Variants in CADM2 observed in about 807,000 individuals in gnomAD.
CADM2 encodes the protein cell adhesion molecule 2, also known as immunoglobulin superfamily member 4D.
A neutral mutation model predicts 49.8 loss-of-function variants in CADM2; 12 were observed. The observed-to-expected ratio is 0.24, with a 90% CI of 0.15 to 0.39. The LOEUF (loss-of-function observed/expected upper bound fraction) is 0.39. Among genes scored for constraint, CADM2 ranks in the 10% least tolerant of loss-of-function variants. The pLI is 1.00. For synonymous variants in CADM2, 214 were observed against 175.4 expected, an observed-to-expected ratio of 1.22 and a Z score of -1.74; for missense variants, 378 against 492.3, an observed-to-expected ratio of 0.77 and a Z score of 2.20.
chr3:85,442,706 C>T (rs1475642142), intron 1 of CADM2, among the ~76,000 whole-genome samples: 1 of 147,890 alleles, frequency 6.8e-6, no homozygotes, highest in African/African-American at 2.5e-5. Flanking sequence ...TTTTGCAGCC[C>T]TTTAAGTGTT....
intron 1 of CADM2, among the ~76,000 whole-genome samples, chr3:85,205,799 A>G (rs1485385797): frequency 6.6e-6 from 1 of 152,168 alleles, no homozygotes; most frequent in Non-Finnish European, 1.5e-5. Flanking sequence ...TGGAGGTCAA[A>G]TTAACATCAC....
chr3:85,569,297 G>C (rs1375552), intron 1 of CADM2, among the ~76,000 whole-genome samples: 1 of 151,482 alleles, frequency 6.6e-6, no homozygotes, highest in Non-Finnish European at 1.5e-5. Context: ...TCTTTTTCTT[G>C]CTGACTGCTA....
intron 1 of CADM2, among the ~76,000 whole-genome samples, chr3:85,028,190 G>A (rs945220699): frequency 6.6e-6 from 1 of 152,082 alleles, no homozygotes; most frequent in Non-Finnish European, 1.5e-5. Flanking sequence ...TATCAGAGAA[G>A]GTAAACAAAA....
chr3:85,229,002 C>G (rs1268698697), intron 1 of CADM2, among the ~76,000 whole-genome samples: 3 of 152,158 alleles, frequency 2.0e-5, no homozygotes, highest in Non-Finnish European at 4.4e-5. Flanking sequence ...GCCTTTTGTT[C>G]AGAGATACCC....
intron 1 of CADM2, among the ~76,000 whole-genome samples, chr3:85,719,933 A>T (rs967584628): frequency 8.9e-5 from 13 of 146,102 alleles, no homozygotes; most frequent in African/African-American, 3.0e-4. Context: ...TTAATTTTGT[A>T]AAAAAAAAAC....
At chr3:85,447,248 T>C (rs2107557996) in intron 1 of CADM2, among the ~76,000 whole-genome samples, 1 of 151,762 alleles carries the variant, frequency 6.6e-6, no homozygotes, top group East Asian at 1.9e-4. Context: ...TTGGGTGACT[T>C]CCAGTGGATA....
chr3:85,251,021 C>CTAATTTTT (rs2042760542), intron 1 of CADM2, among the ~76,000 whole-genome samples: 1 of 151,470 alleles, frequency 6.6e-6, no homozygotes, highest in African/African-American at 2.4e-5. Flanking sequence ...TAGTTTTTTT[C>CTAATTTTT]TAATTTTTTA....
At chr3:85,785,978 A>G (rs2070960810) in intron 2 of CADM2, among the ~76,000 whole-genome samples, 2 of 152,072 alleles carry the variant, frequency 1.3e-5, no homozygotes, top group Non-Finnish European at 2.9e-5. Flanking sequence ...AGATGATTCA[A>G]CCAAGAGGAA....
intron 1 of CADM2, among the ~76,000 whole-genome samples, chr3:85,725,341 A>C (rs572639245): frequency 1.5e-3 from 225 of 152,076 alleles, no homozygotes; most frequent in African/African-American, 4.9e-3. Context: ...GCAACTTGAA[A>C]GAATGAAGTC....
At chr3:85,178,979 T>G (rs548140328) in intron 1 of CADM2, among the ~76,000 whole-genome samples, 1 of 152,090 alleles carries the variant, frequency 6.6e-6, no homozygotes, top group Non-Finnish European at 1.5e-5. Context: ...AAGAACATTT[T>G]ACTTAACACG....
chr3:85,492,947 G>T (rs1300227397), intron 1 of CADM2, among the ~76,000 whole-genome samples: 1 of 152,020 alleles, frequency 6.6e-6, no homozygotes, highest in East Asian at 1.9e-4. Context: ...TTTATAACTC[G>T]TATAAATTAG....
intron 2 of CADM2, among the ~76,000 whole-genome samples, chr3:85,783,100 C>A (rs1197761982): frequency 1.3e-5 from 2 of 152,080 alleles, no homozygotes; most frequent in African/African-American, 4.8e-5. Flanking sequence ...GGTAGTTTTT[C>A]TATTCATATA....
chr3:85,849,955 G>A (rs529025013), intron 3 of CADM2, among the ~76,000 whole-genome samples: 1 of 152,278 alleles, frequency 6.6e-6, no homozygotes, highest in Non-Finnish European at 1.5e-5. Context: ...CGATATAACT[G>A]AAGGTATTTT....
intron 1 of CADM2, among the ~76,000 whole-genome samples, chr3:85,011,000 A>C (rs1006668286): frequency 6.6e-6 from 1 of 151,022 alleles, no homozygotes; most frequent in African/African-American, 2.4e-5. Flanking sequence ...AGTAGCTGGG[A>C]CTACAGGCGC....
At chr3:85,962,930 A>G (rs1577795327) in intron 8 of CADM2, among the ~76,000 whole-genome samples, 1 of 151,972 alleles carries the variant, frequency 6.6e-6, no homozygotes, top group African/African-American at 2.4e-5. Context: ...CATTTATGGA[A>G]TACTAAAAGA....
intron 1 of CADM2, among the ~76,000 whole-genome samples, chr3:85,615,599 C>A (rs887323354): frequency 6.6e-6 from 1 of 151,582 alleles, no homozygotes; most frequent in Non-Finnish European, 1.5e-5. Flanking sequence ...ATTTGTCTTT[C>A]TTTCCTTATT....
intron 3 of CADM2, among the ~76,000 whole-genome samples, chr3:85,805,265 T>G (rs933635309): frequency 6.6e-6 from 1 of 152,124 alleles, no homozygotes; most frequent in Non-Finnish European, 1.5e-5. Flanking sequence ...TACTTAATTT[T>G]CCGTTCCCAG....
At chr3:85,889,001 T>C (rs146290263) in intron 5 of CADM2, among the ~76,000 whole-genome samples, 1 of 152,238 alleles carries the variant, frequency 6.6e-6, no homozygotes, top group East Asian at 1.9e-4. Flanking sequence ...GACAGGCTAA[T>C]CAAATTCAAT....
At chr3:85,187,168 A>T (rs1408897904) in intron 1 of CADM2, among the ~76,000 whole-genome samples, 1 of 152,136 alleles carries the variant, frequency 6.6e-6, no homozygotes, top group East Asian at 1.9e-4. Context: ...CCCAAACCCA[A>T]TTAATCTTCT....
Sources: gnomAD v4.1 joint callset for allele counts (sites outside exome capture counted in the v4.1 genomes callset) on GRCh38, gnomAD v4.1.1 for gene constraint, MANE v1.5 for transcripts, NCBI Gene and HGNC (gene_info 2026-07-23, HGNC 2026-07-21) for gene names.